SNX8: variants seen among roughly 807,000 people sequenced by gnomAD.
SNX8 encodes sorting nexin 8.
Under a neutral mutation model 51.6 loss-of-function variants are expected in SNX8, and 25 were observed. That is an observed-to-expected ratio of 0.48 (90% confidence interval 0.35 to 0.68). SNX8 has a LOEUF of 0.68. Among genes scored for constraint, SNX8 ranks in the 30% least tolerant of loss-of-function variants. The probability of loss-of-function intolerance (pLI) is 0.00; values close to 1 mark genes in which losing one functional copy is unlikely to be tolerated. For missense variants in SNX8, 695 were observed against 624.0 expected (o/e 1.11, Z -1.21); for synonymous variants, 324 against 277.0 (o/e 1.17, Z -1.68).
intron 1 of SNX8, among the ~76,000 whole-genome samples, chr7:2,292,458 C>T (rs1226919458): frequency 6.6e-6 from 1 of 151,096 alleles, no homozygotes; most frequent in Admixed American, 6.6e-5. Context: ...GTCGCCCAGG[C>T]TGTAGTGCAG....
At chr7:2,351,785 A>T (rs890950514) in intron 1 of SNX8, among the ~76,000 whole-genome samples, 1 of 150,338 alleles carries the variant, frequency 6.7e-6, no homozygotes, top group Non-Finnish European at 1.5e-5. Flanking sequence ...GATCCGAGAT[A>T]GCACCACTGC....
At chr7:2,328,998 A>G (rs576223122) in intron 1 of SNX8, among the ~76,000 whole-genome samples, 17 of 151,966 alleles carry the variant, frequency 1.1e-4, no homozygotes, top group Non-Finnish European at 2.4e-4. Flanking sequence ...AGGCAGGAGA[A>G]TCATGTGAAC....
chr7:2,272,937 G>A lies in SNX8; in HGVS notation c.419-966C>T, dbSNP rs1348454805. Among the ~76,000 whole-genome samples, 5 of 151,866 alleles carry A rather than the reference G, an allele frequency of 3.3e-5. No individual in the cohort carries two copies. In the East Asian group the frequency reaches 7.9e-4, roughly 24 times the overall value. On this transcript the variant is annotated intron_variant, in intron 3 of 10. Transcript: ENST00000222990. ...CAACCTCTAACTCCCAGGTTCAAGC[G>A]ATTCTCCTGCCTCAGCCTCCCAAGT...
upstream of SNX8, among the ~76,000 whole-genome samples, chr7:2,318,191 C>T (rs1486867617): frequency 6.6e-6 from 1 of 152,112 alleles, no homozygotes. Context: ...GACTAAGGCA[C>T]AGGCCACCAT....
At chr7:2,268,266 G>T (rs1285802800) in intron 5 of SNX8, among the ~76,000 whole-genome samples, 1 of 142,100 alleles carries the variant, frequency 7.0e-6, no homozygotes, top group Non-Finnish European at 1.5e-5. Flanking sequence ...GTCTCTGCCC[G>T]GCCGCCCCGT....
chr7:2,282,418 C>G (rs1390187181), intron 1 of SNX8, among the ~76,000 whole-genome samples: 2 of 152,160 alleles, frequency 1.3e-5, no homozygotes, highest in East Asian at 3.9e-4. Flanking sequence ...GCCGCCGGCC[C>G]ACTGTGACCC....
chr7:2,268,647 G>A (rs62442517), intron 5 of SNX8, among the ~76,000 whole-genome samples: 1 of 105,072 alleles, frequency 9.5e-6, no homozygotes, highest in Non-Finnish European at 2.0e-5. Context: ...GGAGGTGAGG[G>A]GCGCCTCTGC....
intron 3 of SNX8, 22 bp from the exon 4 acceptor site, chr7:2,271,993 C>A: frequency 1.9e-6 from 3 of 1,613,494 alleles, no homozygotes; most frequent in Non-Finnish European, 2.5e-6. Context: ...CACGGGGTCA[C>A]TGGACAGAGT....
chr7:2,314,168 G>A (rs796454401), intron 1 of SNX8, among the ~76,000 whole-genome samples, 160 bp downstream of exon 1: 11 of 152,350 alleles, frequency 7.2e-5, no homozygotes, highest in South Asian at 6.2e-4. Context: ...CGCGCAGGAG[G>A]GCAGGGGGAC....
At position 2,302,156 on chromosome 7, in the gene SNX8, G is replaced by A. The variant is rs1034008248; in HGVS notation, c.94+12172C>T. Among the ~76,000 whole-genome samples the A allele has an allele frequency of 2.0e-4, 30 of 152,224 alleles. No homozygotes were observed. The East Asian group carries it at 5.2e-3, about 26-fold the overall frequency. ...CACGGTCTCCCTCTGATGCCGAGCC[G>A]AAGCTGGACTGTACTGCTGCCATCT... On this transcript the variant is annotated intron_variant, in intron 1 of 10. Coordinates refer to ENST00000222990, the MANE Select transcript of SNX8 (RefSeq NM_013321.4).
intron 1 of SNX8, among the ~76,000 whole-genome samples, chr7:2,313,550 GAAAAAGA>G (rs1340889468): frequency 2.7e-5 from 4 of 149,302 alleles, no homozygotes; most frequent in African/African-American, 9.8e-5. Context: ...GAAAAGAAAA[GAAAAAGA>G]AAAAAGAAAA....
At chr7:2,267,145 C>G (rs1056285677) in intron 5 of SNX8, among the ~76,000 whole-genome samples, 3 of 152,168 alleles carry the variant, frequency 2.0e-5, no homozygotes, top group Admixed American at 6.5e-5. Context: ...AGCCCTGTGT[C>G]GGAGCAACTG....
At chr7:2,277,941 G>A (rs1207425515) in intron 2 of SNX8, among the ~76,000 whole-genome samples, 159 bp downstream of exon 2, 2 of 152,096 alleles carry the variant, frequency 1.3e-5, no homozygotes, top group Admixed American at 6.6e-5. Context: ...AGTCACCTCC[G>A]CAGCCTGACT....
intron 1 of SNX8, among the ~76,000 whole-genome samples, chr7:2,327,898 T>A (rs1778655275): frequency 6.6e-6 from 1 of 152,090 alleles, no homozygotes; most frequent in South Asian, 2.1e-4. Context: ...GGTCCCCATT[T>A]GTCACCCAGG....
At position 2,272,843 on chromosome 7, in the gene SNX8, C is replaced by T. The variant is rs572274801; in HGVS notation, c.419-872G>A. ...CACAAACAAAAATGGTATTTAAATA[C>T]TTTTTTTGAGACGGAGTTTCACTCT... On this transcript the variant is annotated intron_variant, in intron 3 of 10. Transcript: ENST00000222990. 7.3e-5 allele frequency among the ~76,000 whole-genome samples: 11 copies of T among 150,750 alleles called. No homozygotes were observed. The South Asian group carries it at 1.9e-3, about 26-fold the overall frequency.
intron 1 of SNX8, among the ~76,000 whole-genome samples, chr7:2,301,700 T>C (rs1465888262): frequency 6.6e-6 from 1 of 152,188 alleles, no homozygotes; most frequent in African/African-American, 2.4e-5. Flanking sequence ...TAAACTGACA[T>C]GGCCCACTGG....
At chr7:2,346,937 A>G (rs994128196) in intron 1 of SNX8, among the ~76,000 whole-genome samples, 29 of 149,448 alleles carry the variant, frequency 1.9e-4, no homozygotes, top group East Asian at 5.8e-4. Flanking sequence ...AAAAAAAAAA[A>G]AAAAGAAAAA....
In SNX8 at chr7:2,308,447, C is replaced by T. The variant is rs140698061; in HGVS notation, c.94+5881G>A. Among the ~76,000 whole-genome samples, 1,390 of 152,014 alleles carry T rather than the reference C, an allele frequency of 9.1e-3. 24 individuals carry two copies. Among genetic ancestry groups the T allele is most frequent in the African/African-American group, 0.032 (1,316 of 41,442 alleles). ...CTTTGGGAGGCTGCAGCGGGCGGAT[C>T]ACCTGAAGTCAGGAGTTCGAGACCA... is the stretch of plus-strand genomic sequence containing the variant. On this transcript the variant is annotated intron_variant, in intron 1 of 10. Coordinates refer to ENST00000222990, the MANE Select transcript of SNX8 (RefSeq NM_013321.4).
chr7:2,257,022 T>G lies in SNX8; in HGVS notation c.1136A>C (p.Gln379Pro), dbSNP rs768216323. The G allele has an allele frequency of 1.9e-6, 3 of 1,599,164 alleles. No homozygotes were observed. The South Asian group carries it at 3.3e-5, about 18-fold the overall frequency. Reference protein sequence around the residue: ...VEQLESRIVEQENAIQTMELR... With the variant: ...VEQLESRIVEPENAIQTMELR... ...CTCCATCGTCTGAATCGCGTTCTCCTGCTGCGGAGCAAACAGCCGCCTTTC... is the reference window on the plus strand; with the variant it reads ...CTCCATCGTCTGAATCGCGTTCTCCGGCTGCGGAGCAAACAGCCGCCTTTC... The change falls in exon 10 of 11, where the codon CAG becomes CCG. Residue 379 changes from glutamine to proline, a missense_variant and splice_region_variant. Physicochemically the swap from Gln to Pro is moderately conservative, Grantham distance 76. Transcript: ENST00000222990.
Sources: gnomAD v4.1 joint callset for allele counts (sites outside exome capture counted in the v4.1 genomes callset) on GRCh38, gnomAD v4.1.1 for gene constraint, MANE v1.5 for transcripts, NCBI Gene and HGNC (gene_info 2026-07-23, HGNC 2026-07-21) for gene names.